The following STX8 variants were observed in gnomAD, a reference collection of about 807,000 sequenced individuals.
STX8 encodes syntaxin-8.
Under a neutral mutation model 37.5 loss-of-function variants are expected in STX8, and 23 were observed. That is an observed-to-expected ratio of 0.61 (90% confidence interval 0.44 to 0.87). The LOEUF is 0.87. STX8 is among the 40% of genes least tolerant of loss of function. The pLI is 0.00. For synonymous variants in STX8, 115 were observed against 99.1 expected, an observed-to-expected ratio of 1.16 and a Z score of -0.95; for missense variants, 313 against 284.7, an observed-to-expected ratio of 1.10 and a Z score of -0.71.
intron 4 of STX8, among the ~76,000 whole-genome samples, chr17:9,511,402 T>C (rs1053763683): frequency 5.3e-5 from 8 of 151,996 alleles, no homozygotes; most frequent in Non-Finnish European, 7.4e-5. Flanking sequence ...AAAGATAATA[T>C]ACCATGATCA....
chr17:9,462,217 C>T (rs1303235001), intron 6 of STX8, among the ~76,000 whole-genome samples: 7 of 152,088 alleles, frequency 4.6e-5, no homozygotes, highest in African/African-American at 7.2e-5. Flanking sequence ...AAGTCTCTCA[C>T]TAAGTCACAC....
At chr17:9,440,030 G>A (rs374975883) in intron 6 of STX8, among the ~76,000 whole-genome samples, 1 of 152,102 alleles carries the variant, frequency 6.6e-6, no homozygotes, top group African/African-American at 2.4e-5. Context: ...AGGATGGACA[G>A]GGGAAATTTG....
Position 9,488,098 on chromosome 17 carries a change from G to A in STX8, c.541+3731C>T, listed in dbSNP as rs565581000. On this transcript the variant is annotated intron_variant, in intron 6 of 7. Coordinates refer to ENST00000306357, the MANE Select transcript of STX8 (RefSeq NM_004853.3). The stretch of plus-strand genomic sequence containing the variant: ...TCCCAGCATTTTGAGAGGCCGAGGC[G>A]GGTAGATCACCTGAGGTCAGGAGTT... Among the ~76,000 whole-genome samples, 8 of 152,126 alleles carry A rather than the reference G, an allele frequency of 5.3e-5. No individual in the cohort carries two copies. The East Asian group carries it at 1.2e-3, about 22-fold the overall frequency.
At chr17:9,462,307 T>C (rs1905423049) in intron 6 of STX8, among the ~76,000 whole-genome samples, 1 of 152,214 alleles carries the variant, frequency 6.6e-6, no homozygotes, top group Non-Finnish European at 1.5e-5. Flanking sequence ...TGGAGTGATC[T>C]AATGAAGACA....
intron 1 of STX8, among the ~76,000 whole-genome samples, chr17:9,575,193 G>A (rs1439093072): frequency 6.6e-6 from 1 of 152,180 alleles, no homozygotes; most frequent in Non-Finnish European, 1.5e-5. Flanking sequence ...TTGTTTTACT[G>A]CAGAAGCTAC....
intron 4 of STX8, 49 bp from the exon 5 acceptor site, chr17:9,505,211 A>T: frequency 3.2e-6 from 5 of 1,567,618 alleles, no homozygotes; most frequent in Non-Finnish European, 4.3e-6. Context: ...ATGCAGCTCA[A>T]ATGCAAATTA....
chr17:9,385,513 G>A (rs746187072), intron 6 of STX8, among the ~76,000 whole-genome samples: 1 of 152,168 alleles, frequency 6.6e-6, no homozygotes, highest in Non-Finnish European at 1.5e-5. Flanking sequence ...CTGAACAGAT[G>A]TTTTACAGAA....
intron 7 of STX8, among the ~76,000 whole-genome samples, chr17:9,288,674 TA>T (rs1344540884): frequency 6.8e-6 from 1 of 146,706 alleles, no homozygotes; most frequent in South Asian, 2.1e-4. Context: ...AATAAATAAA[TA>T]AAATAAATAA....
At chr17:9,430,650 T>C (rs894470224) in intron 6 of STX8, among the ~76,000 whole-genome samples, 1 of 34,352 alleles carries the variant, frequency 2.9e-5, no homozygotes, top group Non-Finnish European at 6.5e-5. Flanking sequence ...TGGTTTTGGC[T>C]TTTTTTTTTT....
At chr17:9,528,801 T>TA (rs929249506) in intron 4 of STX8, among the ~76,000 whole-genome samples, 43 of 148,868 alleles carry the variant, frequency 2.9e-4, no homozygotes, top group Admixed American at 1.0e-3. Context: ...CCCTCTTCGT[T>TA]AAAAAAAAAA....
intron 6 of STX8, among the ~76,000 whole-genome samples, chr17:9,459,514 G>A (rs1211585891): frequency 6.6e-6 from 1 of 152,152 alleles, no homozygotes; most frequent in African/African-American, 2.4e-5. Flanking sequence ...GAAGCAAATG[G>A]GAAATACACA....
At chr17:9,331,976 A>G (rs567044563) in intron 7 of STX8, among the ~76,000 whole-genome samples, 2 of 152,346 alleles carry the variant, frequency 1.3e-5, no homozygotes, top group South Asian at 4.1e-4. Flanking sequence ...GGCACAGCCT[A>G]AAATACTTGG....
chr17:9,279,230 T>C (rs879408866), intron 7 of STX8, among the ~76,000 whole-genome samples: 1 of 152,082 alleles, frequency 6.6e-6, no homozygotes, highest in Non-Finnish European at 1.5e-5. Context: ...GCTAATTTTG[T>C]ATTTTTAGTA....
chr17:9,395,397 G>A (rs11650394), intron 6 of STX8, among the ~76,000 whole-genome samples: 1,583 of 152,154 alleles, frequency 0.01, 9 homozygotes, highest in Non-Finnish European at 0.018. Context: ...CTTGAGGTAA[G>A]GAGTTCCAGA....
chr17:9,472,690 C>T (rs1239999817), intron 6 of STX8, among the ~76,000 whole-genome samples: 1 of 152,218 alleles, frequency 6.6e-6, no homozygotes. Context: ...TAGCCTCCCT[C>T]TTGGAGGTCA....
At chr17:9,502,437 T>G (rs545428790) in intron 5 of STX8, among the ~76,000 whole-genome samples, 2 of 152,338 alleles carry the variant, frequency 1.3e-5, no homozygotes, top group South Asian at 4.1e-4. Flanking sequence ...AGATTTTAAG[T>G]GTTCTCACCA....
At chr17:9,365,549 A>C (rs2142265263) in intron 7 of STX8, among the ~76,000 whole-genome samples, 1 of 152,386 alleles carries the variant, frequency 6.6e-6, no homozygotes, top group South Asian at 2.1e-4. Flanking sequence ...TTGGGATTCA[A>C]GTGAGGTTTG....
intron 6 of STX8, among the ~76,000 whole-genome samples, chr17:9,453,648 A>C (rs1197755452): frequency 6.6e-6 from 1 of 151,968 alleles, no homozygotes; most frequent in African/African-American, 2.4e-5. Context: ...ATGTGCCACC[A>C]TGCCCAGCTA....
At position 9,476,205 on chromosome 17, in the gene STX8, C is replaced by A. The variant is rs77577022; in HGVS notation, c.541+15624G>T. Reference sequence around the variant, plus strand: ...GAAAACAAAACAAAACGAAACCTACCCAAATACAAAGAAAGCCTATTGCAG... The same window carrying A: ...GAAAACAAAACAAAACGAAACCTACACAAATACAAAGAAAGCCTATTGCAG... On this transcript the variant is annotated intron_variant, in intron 6 of 7. Transcript: ENST00000306357. Among the ~76,000 whole-genome samples, 4 of 152,172 alleles carry A rather than the reference C, an allele frequency of 2.6e-5. No homozygotes were observed. The East Asian group carries it at 7.7e-4, about 29-fold the overall frequency.
Sources: allele counts gnomAD v4.1 joint callset (sites outside exome capture counted in the v4.1 genomes callset), GRCh38; gene constraint gnomAD v4.1.1; transcripts MANE v1.5; gene names NCBI Gene and HGNC (gene_info 2026-07-23, HGNC 2026-07-21).